The following SV2C variants were observed in gnomAD, a reference collection of about 807,000 sequenced individuals.
SV2C encodes the protein synaptic vesicle glycoprotein 2C, also known as solute carrier family 22 member B3.
A neutral mutation model predicts 79.7 loss-of-function variants in SV2C; 49 were observed. That is an observed-to-expected ratio of 0.61 (90% CI 0.49 to 0.78). The LOEUF (loss-of-function observed/expected upper bound fraction) is 0.78, where lower values mean the gene tolerates loss of function less well. Among genes scored for constraint, SV2C ranks in the 30% least tolerant of loss-of-function variants. The probability of loss-of-function intolerance (pLI) is 0.00; values close to 1 mark genes in which losing one functional copy is unlikely to be tolerated. For missense variants in SV2C, 833 were observed against 912.9 expected (o/e 0.91, Z 1.13); for synonymous variants, 334 against 333.2 (o/e 1.00, Z -0.03).
In SV2C at chr5:76,131,859, G is replaced by A. The variant is rs762703343; in HGVS notation, c.109G>A (p.Ala37Thr). Residue 37 changes from alanine (A) to threonine (T), a missense_variant, in exon 2 of 13, where the codon GCC becomes ACC. By Grantham distance (58) the Ala-to-Thr change is moderately conservative. Coordinates refer to ENST00000502798, the MANE Select transcript of SV2C (RefSeq NM_014979.4). ...GAAGGTGAATCAAGCTGTGGACCGA[G>A]CCCAGGATGAATACACCCAGAGGTC... is the stretch of plus-strand genomic sequence containing the variant. ...VKKVNQAVDR[A>T]QDEYTQRSYS... 3 of 1,614,064 alleles carry A rather than the reference G, an allele frequency of 1.9e-6. No individual in the cohort carries two copies. The highest frequency in any genetic ancestry group is 2.5e-6 in the Non-Finnish European group (3 of 1,180,006).
At chr5:76,001,925 A>T in the SV2C span, among the ~76,000 whole-genome samples, 1 of 152,054 alleles carries the variant, frequency 6.6e-6, no homozygotes, top group East Asian at 1.9e-4. Flanking sequence ...TGTACCCAAC[A>T]TGTAGTCTTT....
the SV2C span, among the ~76,000 whole-genome samples, chr5:75,978,926 G>T: frequency 4.5e-3 from 678 of 152,060 alleles, 8 homozygotes; most frequent in African/African-American, 0.015. Flanking sequence ...GGGTTGCAGT[G>T]GGCTGAGGTC....
At chr5:75,894,642 A>T in the SV2C span, among the ~76,000 whole-genome samples, 2 of 152,086 alleles carry the variant, frequency 1.3e-5, no homozygotes, top group African/African-American at 4.8e-5. Context: ...CTCCGGGAGG[A>T]TTTGTCAAAA....
At chr5:76,001,731 C>G in the SV2C span, among the ~76,000 whole-genome samples, 1 of 152,130 alleles carries the variant, frequency 6.6e-6, no homozygotes, top group African/African-American at 2.4e-5. Flanking sequence ...CACCCTTAGT[C>G]ATTTGCACTG....
intron 2 of SV2C, among the ~76,000 whole-genome samples, chr5:76,159,687 G>A (rs993995078): frequency 6.6e-6 from 1 of 151,786 alleles, no homozygotes; most frequent in African/African-American, 2.4e-5. Context: ...TTCATCCTTC[G>A]TGTCTCTCTT....
upstream of SV2C, among the ~76,000 whole-genome samples, chr5:76,080,937 A>G (rs1398503457): frequency 6.6e-6 from 1 of 152,238 alleles, no homozygotes; most frequent in Non-Finnish European, 1.5e-5. Context: ...TAGAACCAGA[A>G]CTGCTTTAGA....
intron 1 of SV2C, among the ~76,000 whole-genome samples, chr5:76,090,581 G>A (rs1473373798): frequency 6.6e-6 from 1 of 152,078 alleles, no homozygotes; most frequent in Non-Finnish European, 1.5e-5. Context: ...AGCTTTTAAA[G>A]ACTATATCCT....
chr5:75,899,576 T>C, the SV2C span, among the ~76,000 whole-genome samples: 1 of 152,146 alleles, frequency 6.6e-6, no homozygotes, highest in African/African-American at 2.4e-5. Flanking sequence ...TAGATGTCTA[T>C]TAGGTCCGCT....
At chr5:76,283,284 T>A (rs534862072) in intron 4 of SV2C, among the ~76,000 whole-genome samples, 17 of 151,934 alleles carry the variant, frequency 1.1e-4, no homozygotes, top group Admixed American at 1.0e-3. Flanking sequence ...ACCACTGCAC[T>A]CCAGCCTGGC....
At chr5:75,852,102 G>A in the SV2C span, among the ~76,000 whole-genome samples, 2 of 152,128 alleles carry the variant, frequency 1.3e-5, no homozygotes, top group African/African-American at 4.8e-5. Flanking sequence ...CTTATAAGTG[G>A]GAGTTGATCA....
At chr5:75,866,852 A>G in the SV2C span, among the ~76,000 whole-genome samples, 30 of 152,164 alleles carry the variant, frequency 2.0e-4, no homozygotes, top group Admixed American at 6.5e-5. Context: ...TAAGACAGTG[A>G]GTCATTAGTG....
chr5:75,899,485 A>C, the SV2C span, among the ~76,000 whole-genome samples: 1 of 152,094 alleles, frequency 6.6e-6, no homozygotes, highest in African/African-American at 2.4e-5. Flanking sequence ...TTTACTTCCA[A>C]GTATGTGGTC....
chr5:76,151,289 G>A (rs765926266), intron 2 of SV2C, among the ~76,000 whole-genome samples: 5 of 152,180 alleles, frequency 3.3e-5, no homozygotes, highest in Non-Finnish European at 4.4e-5. Context: ...CCAGTTTGTC[G>A]AAGTGTAGCA....
chr5:76,257,271 G>A (rs1746304024), intron 4 of SV2C, among the ~76,000 whole-genome samples: 1 of 62,034 alleles, frequency 1.6e-5, no homozygotes, highest in African/African-American at 1.2e-4. Context: ...GTATGTGTGT[G>A]TGTGTGTGTG....
At chr5:76,195,694 C>A (rs1198204490) in intron 3 of SV2C, among the ~76,000 whole-genome samples, 1 of 152,170 alleles carries the variant, frequency 6.6e-6, no homozygotes, top group Admixed American at 6.5e-5. Flanking sequence ...TATAACTATA[C>A]TAAATGAATC....
chr5:76,267,988 G>A (rs891334646), intron 4 of SV2C, among the ~76,000 whole-genome samples: 1 of 152,150 alleles, frequency 6.6e-6, no homozygotes, highest in Non-Finnish European at 1.5e-5. Flanking sequence ...CCTCCTAAGT[G>A]GGACATTTCT....
the SV2C span, among the ~76,000 whole-genome samples, chr5:75,931,520 T>C: frequency 6.6e-6 from 1 of 152,226 alleles, no homozygotes; most frequent in Admixed American, 6.5e-5. Flanking sequence ...TCTGGCAGTT[T>C]TGTTCCAAAA....
chr5:76,008,364 C>T, the SV2C span, among the ~76,000 whole-genome samples: 4 of 152,196 alleles, frequency 2.6e-5, no homozygotes, highest in African/African-American at 4.8e-5. Flanking sequence ...AGTTAAAAGC[C>T]GCTGGAGATG....
At chr5:75,875,259 A>G in the SV2C span, among the ~76,000 whole-genome samples, 1 of 152,102 alleles carries the variant, frequency 6.6e-6, no homozygotes, top group Non-Finnish European at 1.5e-5. Context: ...CAGAATAGAG[A>G]GCCCAGAAAT....
Sources: allele counts gnomAD v4.1 joint callset (sites outside exome capture counted in the v4.1 genomes callset), GRCh38; gene constraint gnomAD v4.1.1; transcripts MANE v1.5; gene names NCBI Gene and HGNC (gene_info 2026-07-23, HGNC 2026-07-21).